The following ADGRG1 variants were observed in gnomAD, a reference collection of about 807,000 sequenced individuals.
ADGRG1 encodes adhesion G protein-coupled receptor G1.
A neutral mutation model predicts 73.5 loss-of-function variants in ADGRG1; 53 were observed. The observed-to-expected ratio is 0.72, with a 90% CI of 0.58 to 0.91. The LOEUF (loss-of-function observed/expected upper bound fraction) is 0.91, where lower values mean the gene tolerates loss of function less well. ADGRG1 is among the 40% of genes least tolerant of loss of function. The probability of loss-of-function intolerance (pLI) is 0.00; values close to 1 mark genes in which losing one functional copy is unlikely to be tolerated. For synonymous variants in ADGRG1, 394 were observed against 374.4 expected, an observed-to-expected ratio of 1.05 and a Z score of -0.60; for missense variants, 795 against 871.8, an observed-to-expected ratio of 0.91 and a Z score of 1.11.
chr16:57,643,506 G>A (rs1234487596), intron 1 of ADGRG1: 1 of 934,356 alleles, frequency 1.1e-6, no homozygotes, highest in Non-Finnish European at 1.3e-6. Flanking sequence ...TGTGGCTCAA[G>A]CACTTGGTTG....
chr16:57,646,327 G>A, intron 1 of ADGRG1: 1 of 961,956 alleles, frequency 1.0e-6, no homozygotes, highest in Non-Finnish European at 1.2e-6. Flanking sequence ...CAGGTCTGGA[G>A]CTGGAGCCCT....
chr16:57,661,708 G>A lies in ADGRG1; in HGVS notation c.1676G>A (p.Arg559Gln), dbSNP rs539751161. The A allele has an allele frequency of 3.2e-5, 51 of 1,613,470 alleles. No individual in the cohort carries two copies. The highest frequency in any genetic ancestry group is 2.6e-4 in the South Asian group (24 of 91,056). Residue 559 changes from arginine to glutamine, a missense_variant, in exon 13 of 14, where the codon CGG (arginine) becomes CAG (glutamine). Physicochemically the swap from Arg to Gln is conservative, Grantham distance 43. Transcript: ENST00000562631. ...GCCTTTGCCCGCAGGTGCTGGATCC[G>A]GGACTCCCTGGTCAGCTACATCACC... is the stretch of plus-strand genomic sequence containing the variant. ...GVIYPSMCWI[R>Q]DSLVSYITNL...
intron 1 of ADGRG1, chr16:57,635,569 G>C: frequency 1.0e-6 from 1 of 985,422 alleles, no homozygotes; most frequent in Non-Finnish European, 1.2e-6. Context: ...AACCTTTAGT[G>C]ATTGCGATCT....
At chr16:57,635,084 GA>G (rs1346036384) in intron 1 of ADGRG1, 2 of 985,212 alleles carry the variant, frequency 2.0e-6, no homozygotes, top group Non-Finnish European at 2.4e-6. Context: ...GAGGCTGAGG[GA>G]GGTCAGGAGG....
intron 1 of ADGRG1, chr16:57,646,350 G>C: frequency 3.1e-6 from 3 of 982,910 alleles, no homozygotes; most frequent in Non-Finnish European, 3.6e-6. Context: ...GGGTGGGGCG[G>C]GGGATGGGCT....
chr16:57,661,802 C>A lies in ADGRG1; in HGVS notation c.1770C>A (p.Ile590=). The stretch of plus-strand genomic sequence containing the variant: ...TGCTAGCCACCATGGTGGTGCAGAT[C>A]CTGCGGCTGCGCCCCCACACCCAAA... ...MAMLATMVVQ[I]LRLRPHTQKW... is the part of the protein sequence containing the mutation. Residue 590 remains isoleucine, a synonymous_variant, in exon 13 of 14, where the codon ATC becomes ATA. Coordinates refer to ENST00000562631, the MANE Select transcript of ADGRG1 (RefSeq NM_201525.4). The A allele has an allele frequency of 6.2e-7, 1 of 1,614,250 alleles. No individual in the cohort carries two copies. Among genetic ancestry groups the A allele is most frequent in the Non-Finnish European group, 8.5e-7 (1 of 1,180,032 alleles).
chr16:57,635,611 A>G, intron 1 of ADGRG1: 1 of 985,336 alleles, frequency 1.0e-6, no homozygotes. Context: ...AAACCACGTG[A>G]GCACAGGAGT....
chr16:57,631,780 G>A (rs1337014845), intron 1 of ADGRG1: 1 of 985,504 alleles, frequency 1.0e-6, no homozygotes, highest in Non-Finnish European at 1.2e-6. Context: ...TTTCTCCTGA[G>A]CCGTCACTTG....
At chr16:57,637,501 C>G (rs1483168488) in intron 1 of ADGRG1, 1 of 985,270 alleles carries the variant, frequency 1.0e-6, no homozygotes, top group Non-Finnish European at 1.2e-6. Flanking sequence ...CCCTTGCCAG[C>G]TCCCTTTAAG....
chr16:57,641,553 A>G (rs2040831367), intron 1 of ADGRG1: 1 of 979,632 alleles, frequency 1.0e-6, no homozygotes, highest in Non-Finnish European at 1.2e-6. Flanking sequence ...TCTTCAATCA[A>G]TTCTAAAAGT....
chr16:57,633,049 A>C (rs2038421972), intron 1 of ADGRG1: 1 of 719,650 alleles, frequency 1.4e-6, no homozygotes. Context: ...CCCAGCCTGG[A>C]TGCTCAAGGC....
chr16:57,653,197 C>A lies in ADGRG1; in HGVS notation c.488-6C>A. On this transcript the variant is annotated splice_polypyrimidine_tract_variant and splice_region_variant and intron_variant, in intron 3 of 13. Coordinates refer to ENST00000562631, the MANE Select transcript of ADGRG1 (RefSeq NM_201525.4). Reference sequence around the variant, plus strand: ...CTCGGCGGGGGCCTGTCCACCCCTCCCCCAGGTCCTCCCCACACGGCCGCT... The same window carrying A: ...CTCGGCGGGGGCCTGTCCACCCCTCACCCAGGTCCTCCCCACACGGCCGCT... 1.9e-6 allele frequency: 3 copies of A among 1,607,646 alleles called. No individual in the cohort carries two copies. The highest frequency in any genetic ancestry group is 2.5e-6 in the Non-Finnish European group (3 of 1,179,886).
intron 1 of ADGRG1, chr16:57,633,514 C>T (rs2038546401): frequency 1.0e-6 from 1 of 985,294 alleles, no homozygotes; most frequent in Non-Finnish European, 1.2e-6. Context: ...CAGGCTGCCC[C>T]CTAGGAGAGG....
Position 57,628,790 on chromosome 16 carries a change from C to A in ADGRG1, c.-48C>A. On this transcript the variant is annotated 5_prime_UTR_variant, in exon 1 of 14. Transcript: ENST00000562631. ...CCGCCTGGCCCTGCGTGGGACCCTC[C>A]ACCTGGCAGCAGGTACCCAAACAAG... 1.0e-6 allele frequency: 1 copy of A among 985,516 alleles called. No homozygotes were observed. The allele number at this position is 985,516 out of a possible 1,614,324, so 61.0% of individuals were successfully genotyped here.
intron 1 of ADGRG1, chr16:57,645,056 TGCACACGC>T: frequency 5.1e-6 from 5 of 984,662 alleles, no homozygotes; most frequent in Non-Finnish European, 4.8e-6. Context: ...CACACACTCA[TGCACACGC>T]ACACACACCC....
chr16:57,625,032 A>G (rs2035561641), upstream of ADGRG1, among the ~76,000 whole-genome samples: 1 of 152,022 alleles, frequency 6.6e-6, no homozygotes, highest in Non-Finnish European at 1.5e-5. Context: ...GCTGGCCTGA[A>G]CCCAGAGTCT....
At chr16:57,662,171 T>C (rs111460692) in intron 13 of ADGRG1, among the ~76,000 whole-genome samples, 2 of 152,168 alleles carry the variant, frequency 1.3e-5, no homozygotes, top group African/African-American at 4.8e-5. Flanking sequence ...ACAGGGCTTA[T>C]GGCTGAGCTG....
intron 1 of ADGRG1, chr16:57,647,728 G>C (rs1318791350): frequency 1.1e-6 from 1 of 939,452 alleles, no homozygotes; most frequent in Non-Finnish European, 1.3e-6. Context: ...AATGGAGCCA[G>C]GGCTGTCCAC....
At position 57,655,939 on chromosome 16, in the gene ADGRG1, G is replaced by T; in HGVS notation, c.964G>T (p.Val322Leu). The change falls in exon 7 of 14, where the codon GTA (valine) becomes TTA (leucine). Residue 322 changes from valine (V) to leucine (L), a missense_variant. Val to Leu is a conservative substitution (Grantham distance 32, BLOSUM62 1). Coordinates refer to ENST00000562631, the MANE Select transcript of ADGRG1 (RefSeq NM_201525.4). ...VLGIVVQNTKVANLTEPVVLT... is the reference protein window; with the variant it reads ...VLGIVVQNTKLANLTEPVVLT... ...GGGGATTGTGGTACAGAACACCAAA[G>T]TAGCCAACCTCACGGAGCCCGTGGT... 1 of 1,614,182 alleles carries T rather than the reference G, an allele frequency of 6.2e-7. No individual in the cohort carries two copies. The highest frequency in any genetic ancestry group is 8.5e-7 in the Non-Finnish European group (1 of 1,180,030).
Sources: allele counts gnomAD v4.1 joint callset (sites outside exome capture counted in the v4.1 genomes callset), GRCh38; gene constraint gnomAD v4.1.1; transcripts MANE v1.5; gene names NCBI Gene and HGNC (gene_info 2026-07-23, HGNC 2026-07-21).